The following RRAGB variants were observed in gnomAD, a reference collection of about 807,000 sequenced individuals.
RRAGB encodes ras-related GTP-binding protein B.
RRAGB carries 6 observed loss-of-function variants against 29.3 expected under a neutral mutation model. The ratio of observed to expected loss-of-function variants is 0.21; its 90% confidence interval spans 0.11 to 0.40. The LOEUF is 0.40. Among genes scored for constraint, RRAGB ranks in the 10% least tolerant of loss-of-function variants. The pLI, the probability that RRAGB is intolerant of heterozygous loss-of-function variation, is 1.00. For synonymous variants in RRAGB, 101 were observed against 92.5 expected, an observed-to-expected ratio of 1.09 and a Z score of -0.53; for missense variants, 184 against 272.9, an observed-to-expected ratio of 0.67 and a Z score of 2.29.
At chrX:55,726,674 G>A (rs2033489429) in intron 3 of RRAGB, among the ~76,000 whole-genome samples, 1 of 110,696 alleles carries the variant, frequency 9.0e-6, no homozygotes, top group African/African-American at 3.3e-5. Flanking sequence ...GTGGACTGAA[G>A]GATGAAACTG....
intron 4 of RRAGB, 78 bp from the exon 5 acceptor site, chrX:55,731,286 C>T: frequency 1.4e-6 from 1 of 738,186 alleles, no homozygotes; most frequent in Non-Finnish European, 2.0e-6. Context: ...TCACATTGAT[C>T]AAGCCAACAA....
chrX:55,720,258 A>G (rs1194153228), intron 2 of RRAGB, among the ~76,000 whole-genome samples: 2 of 112,162 alleles, frequency 1.8e-5, no homozygotes, highest in Non-Finnish European at 3.8e-5. Flanking sequence ...GCTTGATTTA[A>G]TCATTCTGCA....
At chrX:55,757,403 T>C in intron 9 of RRAGB, 72 bp downstream of exon 9, 2 of 539,862 alleles carry the variant, frequency 3.7e-6, no homozygotes, top group Non-Finnish European at 6.0e-6. Flanking sequence ...AGGTAGTACT[T>C]TATTAGATAC....
chrX:55,725,087 A>G (rs767754955), intron 3 of RRAGB, among the ~76,000 whole-genome samples: 1 of 112,439 alleles, frequency 8.9e-6, no homozygotes, highest in East Asian at 2.8e-4. Flanking sequence ...GAGTTATTCA[A>G]ACTGCTTGAA....
At chrX:55,743,873 G>A (rs1296479328) in intron 5 of RRAGB, among the ~76,000 whole-genome samples, 1 of 111,922 alleles carries the variant, frequency 8.9e-6, no homozygotes, top group Non-Finnish European at 1.9e-5. Context: ...CCCATTGGGA[G>A]GATTTCCCTT....
intron 5 of RRAGB, among the ~76,000 whole-genome samples, chrX:55,750,699 T>C (rs1214565626): frequency 8.9e-6 from 1 of 111,858 alleles, no homozygotes; most frequent in Non-Finnish European, 1.9e-5. Context: ...TTTTTCCATA[T>C]CTATATATGT....
intron 5 of RRAGB, among the ~76,000 whole-genome samples, chrX:55,739,630 T>C (rs1469977019): frequency 9.0e-6 from 1 of 111,536 alleles, no homozygotes; most frequent in Non-Finnish European, 1.9e-5. Flanking sequence ...CACAGTGGTC[T>C]GCCTGGCTCA....
intron 5 of RRAGB, among the ~76,000 whole-genome samples, chrX:55,747,101 A>G (rs1448798164): frequency 8.9e-6 from 1 of 112,013 alleles, no homozygotes; most frequent in African/African-American, 3.2e-5. Flanking sequence ...GTGGGAGTGA[A>G]TCAGGAGTGT....
At chrX:55,753,664 A>G (rs1376384013) in intron 7 of RRAGB, 150 bp downstream of exon 7, 1 of 515,908 alleles carries the variant, frequency 1.9e-6, no homozygotes, top group Non-Finnish European at 2.9e-6. Context: ...TAGTATTGTC[A>G]GCAAGTGACC....
chrX:55,719,040 T>C (rs994741629), intron 1 of RRAGB, among the ~76,000 whole-genome samples: 1 of 111,861 alleles, frequency 8.9e-6, no homozygotes, highest in African/African-American at 3.3e-5. Context: ...TGATGAAAAA[T>C]TGAATCTTGA....
intron 1 of RRAGB, 30 bp from the exon 2 acceptor site, chrX:55,719,284 T>C: frequency 2.6e-6 from 3 of 1,162,340 alleles, no homozygotes; most frequent in South Asian, 2.0e-5. Context: ...AATTGGATCA[T>C]GGAAACTGTT....
intron 5 of RRAGB, among the ~76,000 whole-genome samples, chrX:55,749,334 C>A (rs1218311950): frequency 3.2e-5 from 3 of 92,473 alleles, no homozygotes; most frequent in East Asian, 3.8e-4. Context: ...GTCCCCAGCC[C>A]GGCCAGCCGC....
chrX:55,720,010 T>C (rs1389548901), intron 2 of RRAGB, among the ~76,000 whole-genome samples: 2 of 112,493 alleles, frequency 1.8e-5, no homozygotes, highest in African/African-American at 6.5e-5. Flanking sequence ...GTAGAACACT[T>C]AGATCAGTAC....
rs1468253329 is a variant in RRAGB at position 55,758,237 on chromosome X, C to T, written c.944-9C>T. On this transcript the variant is annotated splice_polypyrimidine_tract_variant and intron_variant, in intron 9 of 9. Transcript: ENST00000374941. Reference sequence around the variant, plus strand: ...TAATTCTGTTGGGTGTTTCCGCCCCCGCCCTCAGCTTCTGCAGCTACTCTG... The same window carrying T: ...TAATTCTGTTGGGTGTTTCCGCCCCTGCCCTCAGCTTCTGCAGCTACTCTG... 7 of 1,183,363 alleles carry T rather than the reference C, an allele frequency of 5.9e-6. No individual in the cohort carries two copies. Among genetic ancestry groups the T allele is most frequent in the Middle Eastern group, 2.3e-4 (1 of 4,296 alleles).
At chrX:55,729,510 C>T (rs1347414737) in intron 4 of RRAGB, 150 bp downstream of exon 4, 5 of 397,132 alleles carry the variant, frequency 1.3e-5, no homozygotes, top group Non-Finnish European at 2.2e-5. Flanking sequence ...CAATAAACAT[C>T]TCTGACTTTT....
intron 5 of RRAGB, among the ~76,000 whole-genome samples, chrX:55,740,780 G>A (rs2034039336): frequency 9.0e-6 from 1 of 111,522 alleles, no homozygotes; most frequent in Non-Finnish European, 1.9e-5. Flanking sequence ...TTTATCATAT[G>A]TAATGGTTCC....
chrX:55,718,465 T>C (rs760827848), intron 1 of RRAGB, 46 bp downstream of exon 1: 5 of 853,696 alleles, frequency 5.9e-6, no homozygotes, highest in South Asian at 2.6e-5. Flanking sequence ...GGTGTTCAAA[T>C]TGAAGAGAGT....
intron 7 of RRAGB, chrX:55,755,338 CCTGAATA>C (rs2034630544): frequency 2.7e-6 from 2 of 750,442 alleles, no homozygotes; most frequent in Admixed American, 1.8e-4. Context: ...GGGTGTCCAT[CCTGAATA>C]AGTTCATTTG....
chrX:55,735,974 C>G (rs1356572161), intron 5 of RRAGB, among the ~76,000 whole-genome samples: 2 of 112,371 alleles, frequency 1.8e-5, no homozygotes, highest in Admixed American at 9.4e-5. Flanking sequence ...GCTGAGAAGT[C>G]TGCTATTAGT....
Sources: allele counts gnomAD v4.1 joint callset (sites outside exome capture counted in the v4.1 genomes callset), GRCh38; gene constraint gnomAD v4.1.1; transcripts MANE v1.5; gene names NCBI Gene and HGNC (gene_info 2026-07-23, HGNC 2026-07-21).